Variants in SNTG1 observed in about 807,000 individuals in gnomAD.
The protein encoded by SNTG1 is gamma-1-syntrophin.
SNTG1 carries 39 observed loss-of-function variants against 74.7 expected under a neutral mutation model. The ratio of observed to expected loss-of-function variants is 0.52; its 90% confidence interval spans 0.40 to 0.68. The LOEUF (loss-of-function observed/expected upper bound fraction) is 0.68. Among genes scored for constraint, SNTG1 ranks in the 30% least tolerant of loss-of-function variants. The probability of loss-of-function intolerance (pLI) is 0.00; values close to 1 mark genes in which losing one functional copy is unlikely to be tolerated. For synonymous variants in SNTG1, 254 were observed against 217.1 expected (o/e 1.17, Z -1.49); for missense variants, 685 against 609.5 (o/e 1.12, Z -1.30).
At chr8:50,189,290 A>G (rs910982340) in intron 2 of SNTG1, among the ~76,000 whole-genome samples, 6 of 151,982 alleles carry the variant, frequency 3.9e-5, no homozygotes, top group Admixed American at 6.6e-5. Flanking sequence ...TTTTTTTTTC[A>G]GTAGTCTTTG....
intron 9 of SNTG1, among the ~76,000 whole-genome samples, chr8:50,526,338 C>T (rs965833508): frequency 2.0e-5 from 3 of 152,138 alleles, no homozygotes; most frequent in African/African-American, 7.2e-5. Flanking sequence ...GCAAGTTTGA[C>T]ACTTACTTCT....
chr8:50,322,512 CT>C (rs1281343452), intron 2 of SNTG1, among the ~76,000 whole-genome samples: 1 of 152,012 alleles, frequency 6.6e-6, no homozygotes, highest in Admixed American at 6.6e-5. Flanking sequence ...TTAAGGCAGT[CT>C]TTTTTGGGTT....
At chr8:50,291,910 C>T (rs865958916) in intron 2 of SNTG1, among the ~76,000 whole-genome samples, 9 of 151,972 alleles carry the variant, frequency 5.9e-5, no homozygotes, top group South Asian at 2.1e-4. Context: ...AGATGCTCTC[C>T]GTTGTTTTGG....
At chr8:49,975,769 A>ATGTG (rs55918843) in intron 1 of SNTG1, among the ~76,000 whole-genome samples, 60 of 147,042 alleles carry the variant, frequency 4.1e-4, no homozygotes, top group Middle Eastern at 3.5e-3. Context: ...ATATATATAT[A>ATGTG]TGTGTGTGTG....
chr8:50,450,539 T>G lies in SNTG1; in HGVS notation c.278-17T>G. 1 of 1,613,080 alleles carries G rather than the reference T, an allele frequency of 6.2e-7. No homozygotes were observed. Among genetic ancestry groups the G allele is most frequent in the Non-Finnish European group, 8.5e-7 (1 of 1,179,612 alleles). Reference sequence around the variant, plus strand: ...AAAACAGTCAATGCATTATCAATTGTGCTTTTTCATTCACAGCGGAACTTT... The same window carrying G: ...AAAACAGTCAATGCATTATCAATTGGGCTTTTTCATTCACAGCGGAACTTT... On this transcript the variant is annotated splice_polypyrimidine_tract_variant and intron_variant, in intron 6 of 18. Coordinates refer to ENST00000642720, the MANE Select transcript of SNTG1 (RefSeq NM_018967.5).
At chr8:50,488,468 G>T (rs556235693) in intron 8 of SNTG1, among the ~76,000 whole-genome samples, 1 of 152,170 alleles carries the variant, frequency 6.6e-6, no homozygotes, top group African/African-American at 2.4e-5. Context: ...CCTATCAATG[G>T]GTCCTACCTT....
intron 15 of SNTG1, among the ~76,000 whole-genome samples, chr8:50,684,735 T>G (rs1437846358): frequency 2.1e-5 from 3 of 141,762 alleles, no homozygotes; most frequent in Admixed American, 7.1e-5. Context: ...TTTTGTTTTT[T>G]TTTTCTTTTT....
rs1271194856 is a variant in SNTG1, at chr8:50,680,353, G to C, written c.1038+21690G>C. Among the ~76,000 whole-genome samples, 3 of 152,262 alleles carry C rather than the reference G, an allele frequency of 2.0e-5. No individual in the cohort carries two copies. In the East Asian group the frequency reaches 5.8e-4, roughly 29 times the overall value. ...TGAATTTGCAAATCCTGTCAGGACT[G>C]TTTGTTCAGTACACTCTTTATGGGC... On this transcript the variant is annotated intron_variant, in intron 15 of 18. Transcript: ENST00000642720.
intron 1 of SNTG1, among the ~76,000 whole-genome samples, chr8:50,114,808 T>A (rs552831672): frequency 1.0e-3 from 158 of 152,170 alleles, no homozygotes; most frequent in African/African-American, 3.8e-3. Context: ...GAGGTTGCAA[T>A]GAGCCGAGAT....
intron 2 of SNTG1, among the ~76,000 whole-genome samples, chr8:50,371,768 G>C (rs1326730554): frequency 1.3e-5 from 2 of 152,044 alleles, no homozygotes; most frequent in Non-Finnish European, 2.9e-5. Flanking sequence ...CTGGTGAATT[G>C]ACCCTTTTAT....
At chr8:50,299,031 C>G (rs2089521734) in intron 2 of SNTG1, among the ~76,000 whole-genome samples, 1 of 152,084 alleles carries the variant, frequency 6.6e-6, no homozygotes, top group African/African-American at 2.4e-5. Flanking sequence ...TGAACTTGAA[C>G]ACTCAAAATT....
intron 1 of SNTG1, among the ~76,000 whole-genome samples, chr8:49,957,296 C>T (rs945789037): frequency 6.6e-6 from 1 of 152,172 alleles, no homozygotes; most frequent in Non-Finnish European, 1.5e-5. Flanking sequence ...AAATGCCATT[C>T]CCCTGAGCTA....
At chr8:50,109,972 C>T (rs2080519608) in intron 1 of SNTG1, among the ~76,000 whole-genome samples, 1 of 152,150 alleles carries the variant, frequency 6.6e-6, no homozygotes, top group Non-Finnish European at 1.5e-5. Context: ...CTTTCCCCAT[C>T]TAGTTTCTGC....
intron 2 of SNTG1, among the ~76,000 whole-genome samples, chr8:50,174,143 C>G (rs535354171): frequency 3.8e-4 from 58 of 152,298 alleles, no homozygotes; most frequent in Non-Finnish European, 7.1e-4. Flanking sequence ...CAGCTTCATC[C>G]ACGTCCCTGC....
intron 10 of SNTG1, among the ~76,000 whole-genome samples, chr8:50,532,280 T>C (rs530738741): frequency 6.6e-6 from 1 of 152,260 alleles, no homozygotes; most frequent in South Asian, 2.1e-4. Context: ...GACAAAAATC[T>C]CAATGCATAT....
intron 1 of SNTG1, among the ~76,000 whole-genome samples, chr8:50,079,951 C>G (rs867989235): frequency 6.6e-6 from 1 of 152,114 alleles, no homozygotes; most frequent in East Asian, 1.9e-4. Context: ...GTTACTGTAG[C>G]CTTGTAGTAT....
chr8:50,513,100 G>T lies in SNTG1; in HGVS notation c.466+10220G>T, dbSNP rs182750778. Among the ~76,000 whole-genome samples the T allele has an allele frequency of 9.8e-3, 1,493 of 151,920 alleles. 12 individuals are homozygous for T. Among genetic ancestry groups the T allele is most frequent in the Non-Finnish European group, 0.015 (1,042 of 67,810 alleles). ...GATGTACAGATGGGGTTTTGGTGTGGATGTCCTTTTTGTTTGTTAATTTTC... is the reference window on the plus strand; with the variant it reads ...GATGTACAGATGGGGTTTTGGTGTGTATGTCCTTTTTGTTTGTTAATTTTC... On this transcript the variant is annotated intron_variant, in intron 9 of 18. Coordinates refer to ENST00000642720, the MANE Select transcript of SNTG1 (RefSeq NM_018967.5).
At chr8:50,129,092 A>G (rs1017655007) in intron 1 of SNTG1, among the ~76,000 whole-genome samples, 64 of 152,252 alleles carry the variant, frequency 4.2e-4, no homozygotes, top group African/African-American at 1.4e-3. Context: ...ATCTTAACTG[A>G]TAGCATTAAA....
intron 2 of SNTG1, among the ~76,000 whole-genome samples, chr8:50,356,772 C>T (rs1165719867): frequency 2.0e-5 from 3 of 152,150 alleles, no homozygotes; most frequent in South Asian, 2.1e-4. Flanking sequence ...TCAGTTTCAA[C>T]ACCTGAATTT....
Sources: gnomAD v4.1 joint callset for allele counts (sites outside exome capture counted in the v4.1 genomes callset) on GRCh38, gnomAD v4.1.1 for gene constraint, MANE v1.5 for transcripts, NCBI Gene and HGNC (gene_info 2026-07-23, HGNC 2026-07-21) for gene names.